Variants in NUP35 observed in about 807,000 individuals in gnomAD.
NUP35 encodes the protein nucleoporin 35.
NUP35 carries 25 observed loss-of-function variants against 41.5 expected under a neutral mutation model. The ratio of observed to expected loss-of-function variants is 0.60; its 90% CI spans 0.44 to 0.84. NUP35 has a LOEUF of 0.84. Among genes scored for constraint, NUP35 ranks in the 40% least tolerant of loss-of-function variants. The pLI is 0.00. For missense variants in NUP35, 396 were observed against 396.6 expected, an observed-to-expected ratio of 1.00 and a Z score of 0.01; for synonymous variants, 149 against 130.7, an observed-to-expected ratio of 1.14 and a Z score of -0.96.
At chr2:183,139,042 G>A (rs1038430634) in intron 4 of NUP35, among the ~76,000 whole-genome samples, 1 of 151,992 alleles carries the variant, frequency 6.6e-6, no homozygotes, top group Admixed American at 6.6e-5. Flanking sequence ...TTTTTCCTGT[G>A]TCTTCAGTGT....
chr2:183,119,793 T>C (rs1005882825), upstream of NUP35, among the ~76,000 whole-genome samples: 1 of 152,082 alleles, frequency 6.6e-6, no homozygotes, highest in Admixed American at 6.6e-5. Flanking sequence ...CAAGTGATCC[T>C]CCCGCCTCAG....
chr2:183,128,488 A>G (rs763079158), intron 2 of NUP35, 31 bp downstream of exon 2: 4 of 1,586,328 alleles, frequency 2.5e-6, no homozygotes, highest in Admixed American at 1.7e-5. Context: ...AATTTTATAG[A>G]CATGCTAGAT....
At chr2:183,138,986 C>G (rs960100777) in intron 4 of NUP35, among the ~76,000 whole-genome samples, 1 of 152,056 alleles carries the variant, frequency 6.6e-6, no homozygotes, top group South Asian at 2.1e-4. Context: ...CTGTTTGGCT[C>G]TCATCTGTCT....
intron 4 of NUP35, among the ~76,000 whole-genome samples, chr2:183,134,773 G>C (rs563296912): frequency 1.5e-3 from 224 of 151,090 alleles, no homozygotes; most frequent in African/African-American, 5.2e-3. Context: ...TCGCCACTGC[G>C]CCTGGCTAAT....
chr2:183,156,904 A>G (rs1685683915), intron 5 of NUP35, among the ~76,000 whole-genome samples: 1 of 152,220 alleles, frequency 6.6e-6, no homozygotes, highest in African/African-American at 2.4e-5. Flanking sequence ...TTTCTCATGC[A>G]GAGATATGGC....
rs138992272 is a variant in NUP35, at chr2:183,159,573, C to T, written c.824C>T (p.Thr275Ile). Reference sequence around the variant, plus strand: ...CCAATCAAAACTCTAGGTACACCAACACAACCTGGAAGTACTCCTAGGATT... The same window carrying T: ...CCAATCAAAACTCTAGGTACACCAATACAACCTGGAAGTACTCCTAGGATT... Reference protein sequence around the residue: ...TPPIKTLGTPTQPGSTPRIST... With the variant: ...TPPIKTLGTPIQPGSTPRIST... The change falls in exon 8 of 9, where the codon ACA (threonine) becomes ATA (isoleucine). Residue 275 changes from threonine to isoleucine, a missense_variant. Transcript: ENST00000295119. 3.2e-5 allele frequency: 51 copies of T among 1,613,298 alleles called. No homozygotes were observed. Among genetic ancestry groups the T allele is most frequent in the Non-Finnish European group, 4.2e-5 (50 of 1,179,526 alleles).
At chr2:183,128,512 A>AT in intron 2 of NUP35, 55 bp downstream of exon 2, 1 of 1,391,780 alleles carries the variant, frequency 7.2e-7, no homozygotes, top group Non-Finnish European at 9.7e-7. Flanking sequence ...GGGATGTCCA[A>AT]TTTTTTGGCT....
rs1685470381 is a variant in NUP35, at chr2:183,151,572, G to T, written c.462G>T (p.Gln154His). 1.2e-6 allele frequency: 2 copies of T among 1,613,956 alleles called. No individual in the cohort carries two copies. The highest frequency in any genetic ancestry group is 2.2e-5 in the East Asian group (1 of 44,866). The change falls in exon 5 of 9, where the codon CAG becomes CAT. Residue 154 changes from glutamine to histidine, a missense_variant. By Grantham distance (24) the Gln-to-His change is conservative. Coordinates refer to ENST00000295119, the MANE Select transcript of NUP35 (RefSeq NM_138285.5). ...QPRKTTLSPA[Q>H]LDPFYTQGDS... Reference sequence around the variant, plus strand: ...GAAAGACGACATTATCTCCTGCCCAGTTGGATCCTTTTTATACTCAAGGAG... The same window carrying T: ...GAAAGACGACATTATCTCCTGCCCATTTGGATCCTTTTTATACTCAAGGAG...
chr2:183,150,971 T>C (rs1405309087), intron 4 of NUP35, among the ~76,000 whole-genome samples: 1 of 152,158 alleles, frequency 6.6e-6, no homozygotes, highest in African/African-American at 2.4e-5. Context: ...TACTGAAGAA[T>C]AAGAAATAAA....
At chr2:183,153,094 G>A (rs1470595730) in intron 5 of NUP35, among the ~76,000 whole-genome samples, 3 of 152,136 alleles carry the variant, frequency 2.0e-5, no homozygotes, top group South Asian at 4.1e-4. Flanking sequence ...ATCAGATCTC[G>A]TGAGACTTAT....
chr2:183,129,650 C>T (rs976296053), intron 2 of NUP35, among the ~76,000 whole-genome samples: 13 of 152,126 alleles, frequency 8.5e-5, no homozygotes, highest in Non-Finnish European at 1.6e-4. Context: ...ATAGTATCCC[C>T]ATCTTTAAAA....
intron 3 of NUP35, among the ~76,000 whole-genome samples, chr2:183,132,096 C>G (rs990986365): frequency 6.6e-6 from 1 of 151,902 alleles, no homozygotes; most frequent in Non-Finnish European, 1.5e-5. Context: ...TGGTCATGCC[C>G]CACTGTAGCC....
At chr2:183,148,821 G>C (rs141458212) in intron 4 of NUP35, among the ~76,000 whole-genome samples, 4,923 of 152,116 alleles carry the variant, frequency 0.032, 97 homozygotes, top group Non-Finnish European at 0.043. Context: ...ACTACGCCCA[G>C]CTAATTTTTT....
chr2:183,129,198 T>C (rs1001848704), intron 2 of NUP35, among the ~76,000 whole-genome samples: 4 of 148,204 alleles, frequency 2.7e-5, no homozygotes, highest in East Asian at 3.9e-4. Flanking sequence ...TTCTCACATA[T>C]AGCGTGTTTA....
At chr2:183,133,684 C>T (rs1259738446) in intron 4 of NUP35, 61 bp downstream of exon 4, 56 of 1,191,296 alleles carry the variant, frequency 4.7e-5, no homozygotes, top group Non-Finnish European at 6.0e-5. Context: ...CTGCTACCCA[C>T]GCTGGAGTGC....
upstream of NUP35, among the ~76,000 whole-genome samples, chr2:183,122,367 T>G (rs950802590): frequency 6.6e-6 from 1 of 152,138 alleles, no homozygotes; most frequent in Non-Finnish European, 1.5e-5. Context: ...TGAGCCACCA[T>G]GCCCGGCTGG....
intron 4 of NUP35, among the ~76,000 whole-genome samples, chr2:183,150,398 GCAAA>G (rs1472421424): frequency 6.6e-6 from 1 of 152,076 alleles, no homozygotes; most frequent in Non-Finnish European, 1.5e-5. Flanking sequence ...CCCTCACTGT[GCAAA>G]CAGTGGCCTT....
At chr2:183,136,277 T>C (rs988052192) in intron 4 of NUP35, among the ~76,000 whole-genome samples, 7 of 152,228 alleles carry the variant, frequency 4.6e-5, no homozygotes, top group African/African-American at 1.7e-4. Flanking sequence ...ACAAACTTAG[T>C]GGTTTAAAAC....
At chr2:183,155,344 T>C (rs72894585) in intron 5 of NUP35, among the ~76,000 whole-genome samples, 4,464 of 152,346 alleles carry the variant, frequency 0.029, 88 homozygotes, top group Non-Finnish European at 0.043. Context: ...CTTTTGCTTT[T>C]GTCCCAAGCT....
Sources: allele counts gnomAD v4.1 joint callset (sites outside exome capture counted in the v4.1 genomes callset), GRCh38; gene constraint gnomAD v4.1.1; transcripts MANE v1.5; gene names NCBI Gene and HGNC (gene_info 2026-07-23, HGNC 2026-07-21).